The following STOX1 variants were observed in gnomAD, a reference collection of about 807,000 sequenced individuals.
STOX1 encodes the protein storkhead box 1, also known as storkhead-box protein 1.
STOX1 carries 57 observed loss-of-function variants against 74.8 expected under a neutral mutation model. That is an observed-to-expected ratio of 0.76 (90% confidence interval 0.62 to 0.95). The LOEUF is 0.95. Among genes scored for constraint, STOX1 ranks in the 40% least tolerant of loss-of-function variants. The pLI is 0.00. For missense variants in STOX1, 1,010 were observed against 1,117.0 expected, an observed-to-expected ratio of 0.90 and a Z score of 1.37; for synonymous variants, 375 against 401.3, an observed-to-expected ratio of 0.93 and a Z score of 0.78.
At chr10:68,864,156 C>T (rs1200350868) in intron 1 of STOX1, among the ~76,000 whole-genome samples, 1 of 151,994 alleles carries the variant, frequency 6.6e-6, no homozygotes, top group African/African-American at 2.4e-5. Flanking sequence ...GATCTCCTGA[C>T]CTCGTGATCC....
chr10:68,827,565 T>C lies in STOX1; in HGVS notation c.-59T>C. 9.5e-7 allele frequency: 1 copy of C among 1,056,122 alleles called. No individual in the cohort carries two copies. The highest frequency in any genetic ancestry group is 1.2e-6 in the Non-Finnish European group (1 of 864,144). The allele number at this position is 1,056,122 out of a possible 1,614,324, so 65.4% of individuals were successfully genotyped here. A position where few individuals can be genotyped will look rare whatever the true frequency, so the allele number is the denominator to read the frequency against. On this transcript the variant is annotated 5_prime_UTR_variant, in exon 1 of 4. Transcript: ENST00000298596. ...CGATCCTCCCGCCGAGCGAGCGGCG[T>C]CGTAGCCGCCGCGCTCGCCGAGGCC...
chr10:68,856,996 G>A (rs968526181), intron 1 of STOX1, among the ~76,000 whole-genome samples: 5 of 152,064 alleles, frequency 3.3e-5, no homozygotes, highest in East Asian at 1.9e-4. Context: ...GCCCTTGTCT[G>A]TCTCTTCCAG....
At position 68,882,035 on chromosome 10, in the gene STOX1, A is replaced by T. The variant is rs557111294; in HGVS notation, c.388A>T (p.Ile130Leu). The T allele has an allele frequency of 1.2e-6, 2 of 1,613,834 alleles. No homozygotes were observed. The highest frequency in any genetic ancestry group is 3.3e-5 in the Admixed American group (2 of 60,014). The change falls in exon 2 of 4, where the codon ATA (isoleucine) becomes TTA (leucine). Residue 130 changes from isoleucine to leucine, a missense_variant. Physicochemically the swap from Ile to Leu is conservative, Grantham distance 5 (BLOSUM62 2). Transcript: ENST00000298596. Reference sequence around the variant, plus strand: ...TTTGGGTGAAGTTCTTTGCTGTGCTATATCTGATATGAATACAGCTCAGAT... The same window carrying T: ...TTTGGGTGAAGTTCTTTGCTGTGCTTTATCTGATATGAATACAGCTCAGAT... ...VPLGEVLCCA[I>L]SDMNTAQIVV...
At chr10:68,839,813 C>G (rs1031970498) in intron 1 of STOX1, among the ~76,000 whole-genome samples, 1 of 152,116 alleles carries the variant, frequency 6.6e-6, no homozygotes, top group African/African-American at 2.4e-5. Flanking sequence ...TCGCTTGAAC[C>G]CAGGAGGCAG....
At chr10:68,850,817 C>A (rs1363805723) in intron 1 of STOX1, among the ~76,000 whole-genome samples, 27 of 150,966 alleles carry the variant, frequency 1.8e-4, no homozygotes, top group Non-Finnish European at 1.5e-5. Context: ...ACAAAAAATA[C>A]AAAAATTAGC....
chr10:68,840,103 A>G (rs1305543892), intron 1 of STOX1, among the ~76,000 whole-genome samples: 1 of 152,224 alleles, frequency 6.6e-6, no homozygotes, highest in Non-Finnish European at 1.5e-5. Flanking sequence ...GGTCTCTTCA[A>G]CAAATGGTCC....
intron 1 of STOX1, among the ~76,000 whole-genome samples, chr10:68,852,924 T>G (rs973978649): frequency 1.3e-5 from 2 of 150,772 alleles, no homozygotes; most frequent in Admixed American, 1.3e-4. Context: ...TGGGAAACAC[T>G]TCTTTTTTTT....
chr10:68,878,770 C>T (rs545295086), intron 1 of STOX1, among the ~76,000 whole-genome samples: 1 of 152,320 alleles, frequency 6.6e-6, no homozygotes, highest in South Asian at 2.1e-4. Context: ...ACACCTGGCC[C>T]CTCAACAACC....
chr10:68,843,951 C>T (rs1352885585), intron 1 of STOX1, among the ~76,000 whole-genome samples: 2 of 151,978 alleles, frequency 1.3e-5, no homozygotes, highest in African/African-American at 2.4e-5. Flanking sequence ...GAGGCCGAGG[C>T]GGGTGGATCA....
chr10:68,836,023 C>A (rs1341925350), intron 1 of STOX1, among the ~76,000 whole-genome samples: 3 of 152,196 alleles, frequency 2.0e-5, no homozygotes, highest in African/African-American at 7.2e-5. Context: ...AGGCGCGTGC[C>A]ACCACGCCAG....
Position 68,885,160 on chromosome 10 carries a change from T to C in STOX1, c.1364T>C (p.Leu455Pro), listed in dbSNP as rs2131996871. Residue 455 changes from leucine to proline, a missense_variant, in exon 3 of 4, where the codon CTC becomes CCC. Physicochemically the swap from Leu to Pro is moderately conservative, Grantham distance 98. Coordinates refer to ENST00000298596, the MANE Select transcript of STOX1 (RefSeq NM_152709.5). ...GSIRLEKHPKLPATQPIPRIK... is the reference protein window; with the variant it reads ...GSIRLEKHPKPPATQPIPRIK... ...ATTAGACTGGAGAAACACCCCAAGC[T>C]CCCTGCTACACAGCCCATCCCCAGA... 1 of 1,613,810 alleles carries C rather than the reference T, an allele frequency of 6.2e-7. No homozygotes were observed. Among genetic ancestry groups the C allele is most frequent in the African/African-American group, 1.3e-5 (1 of 74,942 alleles).
chr10:68,828,697 T>C (rs1220118723), intron 1 of STOX1, among the ~76,000 whole-genome samples: 1 of 152,118 alleles, frequency 6.6e-6, no homozygotes, highest in African/African-American at 2.4e-5. Flanking sequence ...GCTTTATTAT[T>C]ATTATTTTTT....
intron 1 of STOX1, among the ~76,000 whole-genome samples, chr10:68,881,643 T>C (rs866554570): frequency 2.5e-4 from 38 of 152,208 alleles, no homozygotes; most frequent in African/African-American, 9.2e-4. Context: ...TGGTATATAG[T>C]ATATTTAGTA....
rs372194289 is a variant in STOX1, at chr10:68,859,470, A to G, written c.311-22488A>G. ...GCTTCTGCATCCCAAACTTGACGTGATGCAGGTAAAGCAGCAGCAGTCCTG... is the reference window on the plus strand; with the variant it reads ...GCTTCTGCATCCCAAACTTGACGTGGTGCAGGTAAAGCAGCAGCAGTCCTG... On this transcript the variant is annotated intron_variant, in intron 1 of 3. Transcript: ENST00000298596. 3.3e-5 allele frequency among the ~76,000 whole-genome samples: 5 copies of G among 152,232 alleles called. 1 individual carries two copies. Among genetic ancestry groups the G allele is most frequent in the Admixed American group, 6.5e-5 (1 of 15,294 alleles).
At chr10:68,832,884 C>G (rs1411664866) in intron 1 of STOX1, among the ~76,000 whole-genome samples, 1 of 151,850 alleles carries the variant, frequency 6.6e-6, no homozygotes, top group Admixed American at 6.6e-5. Flanking sequence ...CTACCTCAGC[C>G]TCTTGTGTAG....
intron 1 of STOX1, among the ~76,000 whole-genome samples, chr10:68,851,910 G>A (rs1404347730): frequency 6.6e-6 from 1 of 152,164 alleles, no homozygotes; most frequent in African/African-American, 2.4e-5. Flanking sequence ...GAGGCGGGCA[G>A]ATCACCTGAG....
In STOX1 at chr10:68,885,726, C is replaced by T. The variant is rs780283032; in HGVS notation, c.1930C>T (p.Arg644Ter). The T allele has an allele frequency of 6.2e-6, 10 of 1,614,140 alleles. No individual in the cohort carries two copies. The highest frequency in any genetic ancestry group is 4.4e-5 in the South Asian group (4 of 91,090). Residue 644 changes from arginine (R) to a stop codon, truncating the protein, a stop_gained, in exon 3 of 4, where the codon CGA becomes TGA. Transcript: ENST00000298596. LOFTEE classifies it high-confidence loss of function. ...TKQTPHSLPS[R>*]GASFSDRTPS... is the part of the protein sequence containing the mutation. ...ACAGACTCCGCATAGTCTGCCATCA[C>T]GAGGTGCCTCCTTTTCAGACCGAAC...
intron 1 of STOX1, among the ~76,000 whole-genome samples, chr10:68,853,933 T>C (rs968432285): frequency 3.3e-5 from 5 of 151,854 alleles, no homozygotes; most frequent in Non-Finnish European, 5.9e-5. Context: ...GATATGCCTG[T>C]CTTGGCCTCC....
chr10:68,888,327 C>A (rs1253121236), intron 3 of STOX1, among the ~76,000 whole-genome samples: 1 of 152,132 alleles, frequency 6.6e-6, no homozygotes, highest in Non-Finnish European at 1.5e-5. Context: ...GTCTCGAACT[C>A]CTGACCTCAG....
Sources: allele counts gnomAD v4.1 joint callset (sites outside exome capture counted in the v4.1 genomes callset), GRCh38; gene constraint gnomAD v4.1.1; transcripts MANE v1.5; gene names NCBI Gene and HGNC (gene_info 2026-07-23, HGNC 2026-07-21).